The following ATP2B2 variants were observed in gnomAD, a reference collection of about 807,000 sequenced individuals.
The protein encoded by ATP2B2 is ATPase plasma membrane Ca2+ transporting 2, also known as plasma membrane calcium-transporting ATPase 2.
In ATP2B2, 15 loss-of-function variants were observed where a neutral mutation model predicts 120.0. The observed-to-expected ratio is 0.12, with a 90% CI of 0.08 to 0.19. ATP2B2 has a LOEUF of 0.19. Among genes scored for constraint, ATP2B2 ranks in the 10% least tolerant of loss-of-function variants. The probability of loss-of-function intolerance (pLI) is 1.00; values close to 1 mark genes in which losing one functional copy is unlikely to be tolerated. For missense variants in ATP2B2, 1,045 were observed against 1,719.8 expected, an observed-to-expected ratio of 0.61 and a Z score of 6.94; for synonymous variants, 694 against 700.3, an observed-to-expected ratio of 0.99 and a Z score of 0.14.
chr3:10,626,713 A>G (rs2069712425), intron 1 of ATP2B2: 1 of 152,150 alleles, frequency 6.6e-6, no homozygotes, highest in Non-Finnish European at 1.5e-5. Flanking sequence ...GGAGATGTCA[A>G]TGAATAAATA....
intron 22 of ATP2B2, chr3:10,335,987 C>T: frequency 9.7e-7 from 1 of 1,030,178 alleles, no homozygotes; most frequent in Admixed American, 2.7e-5. Context: ...CCAACGGGAC[C>T]CTCTTCGGTG....
At chr3:10,401,365 TG>T (rs2062213182) in intron 4 of ATP2B2, among the ~76,000 whole-genome samples, 1 of 152,214 alleles carries the variant, frequency 6.6e-6, no homozygotes. Flanking sequence ...CGCCTGAACT[TG>T]GAGTGCAGGT....
intron 2 of ATP2B2, among the ~76,000 whole-genome samples, chr3:10,580,267 AC>A (rs2068358699): frequency 6.6e-6 from 1 of 152,108 alleles, no homozygotes; most frequent in African/African-American, 2.4e-5. Flanking sequence ...ACCAAAGAAC[AC>A]TTGTGTACCA....
intron 1 of ATP2B2, among the ~76,000 whole-genome samples, chr3:10,634,738 AACCTTGACCC>A (rs2069972288): frequency 6.6e-6 from 1 of 152,126 alleles, no homozygotes; most frequent in Non-Finnish European, 1.5e-5. Flanking sequence ...ATGCCTTCTG[AACCTTGACCC>A]CATGACAAGT....
chr3:10,566,070 G>T (rs544537386), intron 2 of ATP2B2, among the ~76,000 whole-genome samples: 1 of 152,138 alleles, frequency 6.6e-6, no homozygotes, highest in African/African-American at 2.4e-5. Context: ...ATCTGCCCAT[G>T]CACCCACCCC....
chr3:10,446,458 T>A (rs2063839373), intron 2 of ATP2B2, among the ~76,000 whole-genome samples: 1 of 152,110 alleles, frequency 6.6e-6, no homozygotes, highest in African/African-American at 2.4e-5. Context: ...CATTTTGTCC[T>A]CCCCCAGCCC....
intron 2 of ATP2B2, among the ~76,000 whole-genome samples, chr3:10,549,950 G>A (rs564775411): frequency 1.3e-3 from 191 of 152,332 alleles, no homozygotes; most frequent in Admixed American, 1.8e-3. Context: ...GCTCAGAGAG[G>A]TTAAGTCACC....
Position 10,328,906 on chromosome 3 carries a change from C to T in ATP2B2, c.3640G>A (p.Asp1214Asn), listed in dbSNP as rs1432340467. The T allele has an allele frequency of 1.9e-6, 3 of 1,613,676 alleles. No homozygotes were observed. Among genetic ancestry groups the T allele is most frequent in the African/African-American group, 1.3e-5 (1 of 74,776 alleles). Reference protein sequence around the residue: ...SSLNKNNSAIDSGINLTTDTS... With the variant: ...SSLNKNNSAINSGINLTTDTS... ...TCGGTCGTCAGGTTGATCCCACTGT[C>T]GATGGCGCTGTTGTTCTTGTTGAGG... The change falls in exon 23 of 23, where the codon GAC becomes AAC. Residue 1214 changes from aspartate (D) to asparagine (N), a missense_variant. This residue lies in a region of ATP2B2 where 211 missense variants were observed against 385.1 expected (regional missense o/e 0.55). Transcript: ENST00000360273.
At chr3:10,536,978 C>T (rs959226710) in intron 2 of ATP2B2, among the ~76,000 whole-genome samples, 6 of 152,222 alleles carry the variant, frequency 3.9e-5, no homozygotes, top group Non-Finnish European at 8.8e-5. Flanking sequence ...ATTGCTCTAG[C>T]ACCATTTGTT....
intron 2 of ATP2B2, among the ~76,000 whole-genome samples, chr3:10,421,116 T>A (rs2062964493): frequency 6.6e-6 from 1 of 151,964 alleles, no homozygotes; most frequent in African/African-American, 2.4e-5. Flanking sequence ...TCCTTGGCAA[T>A]GGGGATACAG....
chr3:10,582,522 T>C (rs1341502185), intron 2 of ATP2B2, among the ~76,000 whole-genome samples: 2 of 152,152 alleles, frequency 1.3e-5, no homozygotes, highest in Admixed American at 1.3e-4. Flanking sequence ...GAATTATATG[T>C]GCTTTGGAGA....
At chr3:10,412,384 C>T (rs1455495168) in intron 2 of ATP2B2, among the ~76,000 whole-genome samples, 1 of 152,168 alleles carries the variant, frequency 6.6e-6, no homozygotes, top group African/African-American at 2.4e-5. Flanking sequence ...GTCTGCTGTG[C>T]CCCTCAGAGG....
chr3:10,370,225 T>C (rs2125498137), intron 12 of ATP2B2, among the ~76,000 whole-genome samples: 1 of 152,336 alleles, frequency 6.6e-6, no homozygotes, highest in Non-Finnish European at 1.5e-5. Flanking sequence ...AAGAATTCTT[T>C]TTGACTATAA....
chr3:10,703,348 A>C (rs1402754351), intron 1 of ATP2B2, among the ~76,000 whole-genome samples: 2 of 152,184 alleles, frequency 1.3e-5, no homozygotes, highest in Non-Finnish European at 2.9e-5. Flanking sequence ...CAGGACCTCC[A>C]CATGGTCTTC....
At chr3:10,492,555 G>A (rs2065973064) in intron 1 of ATP2B2, among the ~76,000 whole-genome samples, 1 of 152,144 alleles carries the variant, frequency 6.6e-6, no homozygotes, top group Non-Finnish European at 1.5e-5. Context: ...TGTCAGACTT[G>A]TTCCAGATGA....
chr3:10,360,967 C>T (rs2060881736), intron 12 of ATP2B2, among the ~76,000 whole-genome samples: 1 of 152,130 alleles, frequency 6.6e-6, no homozygotes, highest in South Asian at 2.1e-4. Flanking sequence ...TCCCCGTTTC[C>T]AAGCTTTCAT....
intron 1 of ATP2B2, among the ~76,000 whole-genome samples, chr3:10,643,314 G>A (rs1285655661): frequency 6.6e-6 from 1 of 152,204 alleles, no homozygotes; most frequent in Admixed American, 6.5e-5. Context: ...GCATGCAGAG[G>A]CCTGTTTGAT....
rs1185579280 is a variant in ATP2B2, at chr3:10,343,329, G to A, written c.2704-364C>T. 1.3e-5 allele frequency among the ~76,000 whole-genome samples: 2 copies of A among 151,736 alleles called. No homozygotes were observed. Among genetic ancestry groups the A allele is most frequent in the East Asian group, 1.9e-4 (1 of 5,142 alleles). ...AGACCATTCCCACCGCCTCCGGCAT[G>A]GGCTCCTACCTCCTCCCCCCACTGC... On this transcript the variant is annotated intron_variant, in intron 18 of 22. Transcript: ENST00000360273. This position sits in a 1 kb window ranked among gnomAD's most constrained non-coding sequence, Gnocchi z 4.2.
intron 2 of ATP2B2, among the ~76,000 whole-genome samples, chr3:10,585,770 CCCTTA>C (rs781728695): frequency 1.3e-5 from 2 of 152,122 alleles, no homozygotes; most frequent in Non-Finnish European, 2.9e-5. Flanking sequence ...CAAAGGCTTT[CCCTTA>C]CCTCCCTCCC....
Sources: gnomAD v4.1 joint callset for allele counts (sites outside exome capture counted in the v4.1 genomes callset) on GRCh38, gnomAD v4.1.1 for gene constraint, gnomAD v4.1.1 regional missense constraint, Gnocchi (gnomAD v3.1) non-coding constraint, MANE v1.5 for transcripts, NCBI Gene and HGNC (gene_info 2026-07-23, HGNC 2026-07-21) for gene names.